CSMD1: variants seen among roughly 807,000 people sequenced by gnomAD.
CSMD1 encodes CUB and Sushi multiple domains 1, also known as CUB and sushi domain-containing protein 1.
Under a neutral mutation model 417.5 loss-of-function variants are expected in CSMD1, and 213 were observed. The observed-to-expected ratio is 0.51, with a 90% CI of 0.46 to 0.57. The LOEUF is 0.57. CSMD1 is among the 20% of genes least tolerant of loss of function. CSMD1 has a pLI of 0.00. For missense variants in CSMD1, 6,923 were observed against 4,529.7 expected, an observed-to-expected ratio of 1.53 and a Z score of -15.17; for synonymous variants, 2,862 against 1,736.8, an observed-to-expected ratio of 1.65 and a Z score of -16.11.
At chr8:3,950,806 A>G (rs1811550110) in intron 5 of CSMD1, among the ~76,000 whole-genome samples, 1 of 152,044 alleles carries the variant, frequency 6.6e-6, no homozygotes, top group Non-Finnish European at 1.5e-5. Flanking sequence ...CTTCGGTCAT[A>G]ATAGGTTTAG....
At chr8:3,181,317 T>C in intron 36 of CSMD1, 103 bp from the exon 37 acceptor site, 1 of 730,736 alleles carries the variant, frequency 1.4e-6, no homozygotes, top group Non-Finnish European at 2.3e-6. Flanking sequence ...ATCCCTACAG[T>C]TTGTCTGATT....
At chr8:4,705,719 A>G (rs73512972) in intron 1 of CSMD1, among the ~76,000 whole-genome samples, 1,969 of 152,254 alleles carry the variant, frequency 0.013, 28 homozygotes, top group Middle Eastern at 0.037. Flanking sequence ...GTCTGAAACC[A>G]TTTGGACATT....
intron 4 of CSMD1, among the ~76,000 whole-genome samples, chr8:4,013,491 G>A (rs563368585): frequency 3.0e-4 from 45 of 152,238 alleles, no homozygotes; most frequent in Non-Finnish European, 5.6e-4. Context: ...AAGACCAGGA[G>A]AGTCCTGTCC....
intron 3 of CSMD1, among the ~76,000 whole-genome samples, chr8:4,404,535 G>C (rs1245832625): frequency 2.0e-5 from 3 of 152,098 alleles, no homozygotes; most frequent in African/African-American, 4.8e-5. Context: ...TTTCATGAAG[G>C]TGATGTTTAA....
intron 40 of CSMD1, among the ~76,000 whole-genome samples, chr8:3,147,265 G>C (rs752908288): frequency 6.6e-6 from 1 of 152,054 alleles, no homozygotes; most frequent in South Asian, 2.1e-4. Context: ...CATGCTGTTT[G>C]TTTCATACTC....
intron 21 of CSMD1, among the ~76,000 whole-genome samples, chr8:3,356,168 T>A (rs765245272): frequency 2.0e-5 from 3 of 152,218 alleles, no homozygotes; most frequent in Non-Finnish European, 4.4e-5. Context: ...ACCTGCAACC[T>A]TTGGTATGGA....
intron 5 of CSMD1, among the ~76,000 whole-genome samples, chr8:3,839,198 A>G (rs1429278018): frequency 4.0e-5 from 5 of 126,486 alleles, no homozygotes; most frequent in Non-Finnish European, 6.2e-5. Flanking sequence ...AAATAAATTA[A>G]TATGTAATAA....
chr8:3,000,784 G>C (rs980626438), intron 52 of CSMD1, among the ~76,000 whole-genome samples: 1 of 152,184 alleles, frequency 6.6e-6, no homozygotes. Flanking sequence ...GAAACTAAAG[G>C]TGGCAGGGCT....
intron 3 of CSMD1, among the ~76,000 whole-genome samples, chr8:4,090,077 C>T (rs73190350): frequency 6.6e-6 from 1 of 152,200 alleles, no homozygotes; most frequent in South Asian, 2.1e-4. Flanking sequence ...ATGAGCAAAA[C>T]TTAACTTACA....
intron 12 of CSMD1, among the ~76,000 whole-genome samples, chr8:3,425,673 T>G (rs1466236313): frequency 1.3e-5 from 2 of 151,964 alleles, no homozygotes; most frequent in East Asian, 3.8e-4. Flanking sequence ...GAGTTTTCAT[T>G]ACTCTTCTGT....
intron 10 of CSMD1, among the ~76,000 whole-genome samples, chr8:3,538,433 CTCACCTGAGATGAT>C (rs1798295587): frequency 6.6e-6 from 1 of 152,128 alleles, no homozygotes; most frequent in Admixed American, 6.5e-5. Context: ...CTTGAGATGC[CTCACCTGAGATGAT>C]GCACCTGAGA....
At chr8:3,277,801 A>G (rs1334686430) in intron 26 of CSMD1, among the ~76,000 whole-genome samples, 3 of 152,198 alleles carry the variant, frequency 2.0e-5, no homozygotes, top group African/African-American at 7.2e-5. Context: ...TTGGACATTT[A>G]TTAACTAGTA....
intron 3 of CSMD1, among the ~76,000 whole-genome samples, chr8:4,033,146 A>AC (rs1241086628): frequency 2.7e-5 from 4 of 149,756 alleles, no homozygotes; most frequent in Non-Finnish European, 4.4e-5. Context: ...AAAAAAAAAA[A>AC]AAAAAAAAAC....
At chr8:3,067,830 G>A (rs967668574) in intron 49 of CSMD1, among the ~76,000 whole-genome samples, 3 of 151,694 alleles carry the variant, frequency 2.0e-5, no homozygotes, top group Non-Finnish European at 1.5e-5. Context: ...TTATCTTACT[G>A]AATTCTCATA....
At chr8:4,990,725 T>C (rs1333824789) in intron 1 of CSMD1, among the ~76,000 whole-genome samples, 1 of 152,100 alleles carries the variant, frequency 6.6e-6, no homozygotes, top group Non-Finnish European at 1.5e-5. Flanking sequence ...AGGAGTGTCC[T>C]GGCTTCATCA....
intron 2 of CSMD1, among the ~76,000 whole-genome samples, chr8:4,500,673 G>T (rs1802215358): frequency 6.6e-6 from 1 of 152,122 alleles, no homozygotes; most frequent in South Asian, 2.1e-4. Flanking sequence ...TCTAGCTCTG[G>T]ACACTGTGGG....
At chr8:3,848,105 A>C (rs1330592765) in intron 5 of CSMD1, among the ~76,000 whole-genome samples, 3 of 151,740 alleles carry the variant, frequency 2.0e-5, no homozygotes, top group Non-Finnish European at 4.4e-5. Context: ...ATATATACTT[A>C]CTTAGTGCTC....
chr8:4,517,596 T>A (rs1166223460), intron 2 of CSMD1, among the ~76,000 whole-genome samples: 1 of 152,220 alleles, frequency 6.6e-6, no homozygotes, highest in Non-Finnish European at 1.5e-5. Flanking sequence ...CAAATATGTA[T>A]AATGTATTTA....
chr8:4,257,528 G>C (rs571330629), intron 3 of CSMD1, among the ~76,000 whole-genome samples: 4 of 151,876 alleles, frequency 2.6e-5, no homozygotes, highest in Admixed American at 2.6e-4. Context: ...ATACAGTTTT[G>C]AATAAAGTCC....
Sources: allele counts gnomAD v4.1 joint callset (sites outside exome capture counted in the v4.1 genomes callset), GRCh38; gene constraint gnomAD v4.1.1; transcripts MANE v1.5; gene names NCBI Gene and HGNC (gene_info 2026-07-23, HGNC 2026-07-21).